The following OTOGL variants were observed in gnomAD, a reference collection of about 807,000 sequenced individuals.
OTOGL encodes the protein otogelin-like protein.
In OTOGL, 285 loss-of-function variants were observed where a neutral mutation model predicts 318.5. The observed-to-expected ratio is 0.89, with a 90% CI of 0.81 to 0.99. The LOEUF is 0.99. Among genes scored for constraint, OTOGL ranks in the 50% least tolerant of loss-of-function variants. The pLI, the probability that OTOGL is intolerant of heterozygous loss-of-function variation, is 0.00. For synonymous variants in OTOGL, 987 were observed against 936.5 expected (o/e 1.05, Z -0.99); for missense variants, 2,899 against 2,845.6 (o/e 1.02, Z -0.43).
chr12:80,139,014 C>T (rs997903718), intron 1 of OTOGL, among the ~76,000 whole-genome samples: 5 of 152,128 alleles, frequency 3.3e-5, no homozygotes, highest in Admixed American at 6.6e-5. Context: ...CTAAAACTCA[C>T]GTATCCCACA....
intron 23 of OTOGL, among the ~76,000 whole-genome samples, chr12:80,270,956 G>T (rs1883361563): frequency 6.6e-6 from 1 of 152,012 alleles, no homozygotes; most frequent in Non-Finnish European, 1.5e-5. Context: ...GTATTTGAAT[G>T]GCCTGGTATA....
At chr12:80,363,862 T>G (rs911897368) in intron 52 of OTOGL, among the ~76,000 whole-genome samples, 13 of 152,064 alleles carry the variant, frequency 8.5e-5, no homozygotes, top group African/African-American at 3.1e-4. Flanking sequence ...GGAGTAGCAG[T>G]CTCTATGTTC....
intron 1 of OTOGL, among the ~76,000 whole-genome samples, chr12:80,125,014 A>C (rs202206906): frequency 6.6e-6 from 1 of 152,250 alleles, no homozygotes; most frequent in East Asian, 1.9e-4. Context: ...TCTTTTCCTA[A>C]TTGAATACCC....
In OTOGL at chr12:80,282,423, ACTTGT is replaced by A. The variant is rs564969914; in HGVS notation, c.2928+3266_2928+3270del. On this transcript the variant is annotated intron_variant, in intron 26 of 58. Transcript: ENST00000547103. The stretch of plus-strand genomic sequence containing the variant: ...TACGTCATTGGATTTTCCTGTTGGT[ACTTGT>A]CTTGTCTTCCTTTATGAATGGTTTT... Among the ~76,000 whole-genome samples the A allele has an allele frequency of 3.0e-3, 458 of 151,940 alleles. 5 individuals carry two copies. Among genetic ancestry groups the A allele is most frequent in the African/African-American group, 0.01 (423 of 41,500 alleles).
Position 80,380,726 on chromosome 12 carries a change from T to C in OTOGL, c.*2678T>C, listed in dbSNP as rs973719573. ...GAAAACCTAGAAATGTATACTAATA[T>C]TAGAAGTGATTTTTGGTTTGACCAA... On this transcript the variant is annotated 3_prime_UTR_variant, in exon 59 of 59. Coordinates refer to ENST00000547103, the MANE Select transcript of OTOGL (RefSeq NM_001378609.3). 2.0e-5 allele frequency: 3 copies of C among 152,106 alleles called. No individual in the cohort carries two copies. The highest frequency in any genetic ancestry group is 4.4e-5 in the Non-Finnish European group (3 of 67,978). The allele number at this position is 152,106 out of a possible 1,614,324, so 9.4% of individuals were successfully genotyped here.
intron 9 of OTOGL, among the ~76,000 whole-genome samples, chr12:80,236,007 T>G (rs980613409): frequency 1.3e-5 from 2 of 152,246 alleles, no homozygotes; most frequent in African/African-American, 4.8e-5. Flanking sequence ...TGTATTTTGC[T>G]GATTAGAAAA....
chr12:80,225,239 C>T (rs1034653848), intron 7 of OTOGL, among the ~76,000 whole-genome samples: 2 of 151,742 alleles, frequency 1.3e-5, no homozygotes, highest in African/African-American at 4.8e-5. Context: ...TCTACTACTC[C>T]CCCACCCCTC....
chr12:80,212,036 A>G, intron 4 of OTOGL, 39 bp downstream of exon 4: 7 of 1,523,962 alleles, frequency 4.6e-6, no homozygotes, highest in Non-Finnish European at 6.2e-6. Flanking sequence ...GCAGAGAAAT[A>G]ATCCATTCTG....
chr12:80,222,741 A>G (rs553003902), intron 7 of OTOGL, among the ~76,000 whole-genome samples: 5 of 152,250 alleles, frequency 3.3e-5, no homozygotes, highest in South Asian at 2.1e-4. Context: ...AGGTATTTCA[A>G]TCACTACCAG....
At chr12:80,185,413 C>A (rs571023423) in intron 1 of OTOGL, among the ~76,000 whole-genome samples, 1 of 152,232 alleles carries the variant, frequency 6.6e-6, no homozygotes, top group East Asian at 1.9e-4. Flanking sequence ...CTCAGCCTCC[C>A]AAGTAGCTGG....
chr12:80,148,972 T>A (rs879764282), intron 1 of OTOGL, among the ~76,000 whole-genome samples: 2 of 152,146 alleles, frequency 1.3e-5, no homozygotes, highest in Non-Finnish European at 2.9e-5. Context: ...TTTTTCAAAG[T>A]TTTCAACTTG....
intron 26 of OTOGL, among the ~76,000 whole-genome samples, chr12:80,290,965 G>A (rs1036095026): frequency 2.6e-5 from 4 of 152,186 alleles, no homozygotes; most frequent in African/African-American, 9.6e-5. Context: ...CAGAATGCTG[G>A]GCATTTGGTG....
At chr12:80,138,396 A>C (rs140893580) in intron 1 of OTOGL, among the ~76,000 whole-genome samples, 99 of 152,328 alleles carry the variant, frequency 6.5e-4, no homozygotes, top group African/African-American at 2.3e-3. Context: ...TGATTTTAGC[A>C]CAGTTCTTGG....
intron 1 of OTOGL, among the ~76,000 whole-genome samples, chr12:80,141,081 A>G (rs1871906135): frequency 6.6e-6 from 1 of 152,166 alleles, no homozygotes; most frequent in South Asian, 2.1e-4. Flanking sequence ...TGTTTATTGA[A>G]GCATGGTGAT....
At chr12:80,139,496 C>A (rs1871790344) in intron 1 of OTOGL, among the ~76,000 whole-genome samples, 1 of 152,058 alleles carries the variant, frequency 6.6e-6, no homozygotes, top group Non-Finnish European at 1.5e-5. Flanking sequence ...CATGCCACTT[C>A]CCTCCTTAAA....
intron 1 of OTOGL, among the ~76,000 whole-genome samples, chr12:80,124,745 G>A (rs1413099230): frequency 6.6e-6 from 1 of 151,820 alleles, no homozygotes; most frequent in Non-Finnish European, 1.5e-5. Flanking sequence ...CCTTGAAGAG[G>A]TCCTTCACAT....
chr12:80,108,775 ATATATATATATGTATATATATATATG>A (rs1372977029), intron 1 of OTOGL, among the ~76,000 whole-genome samples: 32 of 125,880 alleles, frequency 2.5e-4, no homozygotes, highest in Non-Finnish European at 5.1e-4. Flanking sequence ...ATACACGTAT[ATATATATATATGTATATATATATATG>A]TATATATATA....
chr12:80,139,242 G>T (rs1986906), intron 1 of OTOGL, among the ~76,000 whole-genome samples: 81,850 of 151,888 alleles, frequency 0.54, 22,237 homozygotes, highest in Middle Eastern at 0.58. Flanking sequence ...TAGGATCTTG[G>T]GAGTTATTCC....
In OTOGL at chr12:80,165,793, T is replaced by C. The variant is rs1027697724; in HGVS notation, c.-19-43620T>C. 2.0e-5 allele frequency among the ~76,000 whole-genome samples: 3 copies of C among 152,328 alleles called. No individual in the cohort carries two copies. The South Asian group carries it at 6.2e-4, about 32-fold the overall frequency. On this transcript the variant is annotated intron_variant, in intron 1 of 58. Coordinates refer to ENST00000547103, the MANE Select transcript of OTOGL (RefSeq NM_001378609.3). Reference sequence around the variant, plus strand: ...TCTCTTACCCCTTTAGGCCTAAATGTAGTAATAGCTTCCACTGTTGCCAGT... The same window carrying C: ...TCTCTTACCCCTTTAGGCCTAAATGCAGTAATAGCTTCCACTGTTGCCAGT...
Sources: allele counts gnomAD v4.1 joint callset (sites outside exome capture counted in the v4.1 genomes callset), GRCh38; gene constraint gnomAD v4.1.1; transcripts MANE v1.5; gene names NCBI Gene and HGNC (gene_info 2026-07-23, HGNC 2026-07-21).